BCAS3: variants seen among roughly 807,000 people sequenced by gnomAD.
The protein encoded by BCAS3 is BCAS3 microtubule associated cell migration factor, also known as BCAS4/BCAS3 fusion.
Under a neutral mutation model 116.1 loss-of-function variants are expected in BCAS3, and 53 were observed. The ratio of observed to expected loss-of-function variants is 0.46; its 90% confidence interval spans 0.37 to 0.57. The LOEUF (loss-of-function observed/expected upper bound fraction) is 0.57, where lower values mean the gene tolerates loss of function less well. Ranked by LOEUF, BCAS3 falls within the 20% of genes least tolerant of loss-of-function variation. BCAS3 has a pLI of 0.00. For synonymous variants in BCAS3, 391 were observed against 408.2 expected (o/e 0.96, Z 0.51); for missense variants, 917 against 1,165.4 (o/e 0.79, Z 3.10).
chr17:60,865,498 T>G (rs1172076609), intron 7 of BCAS3, among the ~76,000 whole-genome samples: 1 of 152,238 alleles, frequency 6.6e-6, no homozygotes, highest in East Asian at 1.9e-4. Flanking sequence ...AAATCTTGCA[T>G]GTATTTTGTT....
intron 22 of BCAS3, among the ~76,000 whole-genome samples, chr17:61,127,101 A>G (rs1055585049): frequency 1.9e-4 from 29 of 152,198 alleles, no homozygotes; most frequent in African/African-American, 7.0e-4. Flanking sequence ...CTTCACTACC[A>G]GCTACACACA....
chr17:61,209,981 G>C (rs2081361513), intron 22 of BCAS3, among the ~76,000 whole-genome samples: 1 of 152,120 alleles, frequency 6.6e-6, no homozygotes, highest in Non-Finnish European at 1.5e-5. Context: ...CATTTTGTAG[G>C]GGAGCTGCTG....
At chr17:60,729,954 T>C (rs1017451532) in intron 5 of BCAS3, among the ~76,000 whole-genome samples, 8 of 152,216 alleles carry the variant, frequency 5.3e-5, no homozygotes, top group Non-Finnish European at 4.4e-5. Context: ...TGTGTCACTG[T>C]AGTCTGAGTG....
rs930650264 is a variant in BCAS3, at chr17:61,211,547, A to G, written c.2425+126983A>G. Among the ~76,000 whole-genome samples, 2 of 152,188 alleles carry G rather than the reference A, an allele frequency of 1.3e-5. No individual in the cohort carries two copies. The highest frequency in any genetic ancestry group is 4.8e-5 in the African/African-American group (2 of 41,460). On this transcript the variant is annotated intron_variant, in intron 22 of 23. Coordinates refer to ENST00000407086, the MANE Select transcript of BCAS3 (RefSeq NM_017679.5). The surrounding 1 kb of genome is among the most constrained non-coding windows in gnomAD (Gnocchi z 4.4). The stretch of plus-strand genomic sequence containing the variant: ...TGAAAAAAGCACTGTCTACAACAGC[A>G]GAGGTGGCCGAGAAAGGCAGACAGG...
At chr17:60,893,413 A>G (rs1222231040) in intron 10 of BCAS3, among the ~76,000 whole-genome samples, 1 of 151,952 alleles carries the variant, frequency 6.6e-6, no homozygotes, top group African/African-American at 2.4e-5. Flanking sequence ...TAATTTTTGT[A>G]TATGGTGAGA....
chr17:61,305,257 G>A (rs912380687), intron 22 of BCAS3, among the ~76,000 whole-genome samples: 3 of 152,174 alleles, frequency 2.0e-5, no homozygotes, highest in Admixed American at 6.6e-5. Context: ...CTCTGATTCA[G>A]CTGCTTAGTT....
chr17:61,291,824 C>A (rs9303440), intron 22 of BCAS3, among the ~76,000 whole-genome samples: 8,639 of 152,048 alleles, frequency 0.057, 832 homozygotes, highest in African/African-American at 0.2. Flanking sequence ...CGGTGTGTGC[C>A]CACTTGCAAG....
intron 19 of BCAS3, among the ~76,000 whole-genome samples, chr17:61,050,410 T>C (rs1367426875): frequency 6.6e-6 from 1 of 151,902 alleles, no homozygotes; most frequent in East Asian, 1.9e-4. Context: ...TACGCATGTG[T>C]GTATATATAT....
intron 14 of BCAS3, among the ~76,000 whole-genome samples, chr17:60,984,054 C>T (rs1245916310): frequency 6.6e-6 from 1 of 152,186 alleles, no homozygotes; most frequent in Non-Finnish European, 1.5e-5. Flanking sequence ...AACTATTTAT[C>T]TGAAATGCTG....
intron 6 of BCAS3, among the ~76,000 whole-genome samples, chr17:60,764,441 AT>A (rs2043875820): frequency 1.3e-5 from 2 of 152,118 alleles, no homozygotes; most frequent in South Asian, 4.1e-4. Flanking sequence ...TTCTGCCTTC[AT>A]TTAGTTATTT....
rs200890077 is a variant in BCAS3 at position 61,141,922 on chromosome 17, T to A, written c.2425+57358T>A. On this transcript the variant is annotated intron_variant, in intron 22 of 23. Coordinates refer to ENST00000407086, the MANE Select transcript of BCAS3 (RefSeq NM_017679.5). The surrounding 1 kb of genome is among the most constrained non-coding windows in gnomAD (Gnocchi z 4.3). ...CTCAAGAAAAAAAAAAAAAAAAAAGTTAGACAATTATACAGAGATACTCAA... is the reference window on the plus strand; with the variant it reads ...CTCAAGAAAAAAAAAAAAAAAAAAGATAGACAATTATACAGAGATACTCAA... Among the ~76,000 whole-genome samples the A allele has an allele frequency of 9.2e-5, 1 of 10,876 alleles. No homozygotes were observed. Among genetic ancestry groups the A allele is most frequent in the Admixed American group, 4.1e-3 (1 of 244 alleles). The allele number at this position is 10,876 out of a possible 152,430, so 7.1% of individuals were successfully genotyped here.
chr17:61,311,313 C>G (rs1245774948), intron 22 of BCAS3, among the ~76,000 whole-genome samples: 1 of 152,044 alleles, frequency 6.6e-6, no homozygotes, highest in African/African-American at 2.4e-5. Flanking sequence ...AATTTAAAAC[C>G]AACTTTCTTT....
chr17:60,944,685 G>A (rs1410280655), intron 13 of BCAS3, among the ~76,000 whole-genome samples: 1 of 151,948 alleles, frequency 6.6e-6, no homozygotes, highest in Non-Finnish European at 1.5e-5. Flanking sequence ...ACCAAACGAG[G>A]CTTATCCCAA....
intron 9 of BCAS3, among the ~76,000 whole-genome samples, chr17:60,888,552 A>G (rs983191177): frequency 2.0e-5 from 3 of 152,208 alleles, no homozygotes; most frequent in East Asian, 1.9e-4. Flanking sequence ...GGTCTAATCT[A>G]TTGTGTAAAT....
At position 61,235,697 on chromosome 17, in the gene BCAS3, G is replaced by GT. The variant is rs1555789288; in HGVS notation, c.2426-132627dup. ...AACTTGGAAAGAAGACTTTTGAATT[G>GT]TTTAAAAAAAAAAAAAAGGAGAAGA... On this transcript the variant is annotated intron_variant, in intron 22 of 23. Coordinates refer to ENST00000407086, the MANE Select transcript of BCAS3 (RefSeq NM_017679.5). This position sits in a 1 kb window ranked among gnomAD's most constrained non-coding sequence, Gnocchi z 5.0. 6.1e-4 allele frequency among the ~76,000 whole-genome samples: 22 copies of GT among 36,308 alleles called. No homozygotes were observed. The East Asian group carries it at 0.013, about 22-fold the overall frequency. The allele number at this position is 36,308 out of a possible 152,430, so 23.8% of individuals were successfully genotyped here.
intron 12 of BCAS3, among the ~76,000 whole-genome samples, chr17:60,915,039 T>A (rs1280647397): frequency 7.2e-5 from 11 of 152,302 alleles, no homozygotes; most frequent in Admixed American, 6.5e-4. Flanking sequence ...ATGAGAAAGC[T>A]GCAAATTAAA....
rs538046376 is a variant in BCAS3 at position 60,860,209 on chromosome 17, C to A, written c.477-8367C>A. Reference sequence around the variant, plus strand: ...AGCCATTCTGACTGGTGTGAGAAGGCATCTGATTGTGATTTTGATTTGCAC... The same window carrying A: ...AGCCATTCTGACTGGTGTGAGAAGGAATCTGATTGTGATTTTGATTTGCAC... On this transcript the variant is annotated intron_variant, in intron 7 of 23. Coordinates refer to ENST00000407086, the MANE Select transcript of BCAS3 (RefSeq NM_017679.5). Among the ~76,000 whole-genome samples the A allele has an allele frequency of 2.0e-5, 3 of 152,256 alleles. No individual in the cohort carries two copies. In the South Asian group the frequency reaches 6.2e-4, roughly 32 times the overall value.
intron 1 of BCAS3, among the ~76,000 whole-genome samples, 174 bp downstream of exon 1, chr17:60,678,088 C>A (rs1597975597): frequency 1.3e-5 from 2 of 152,184 alleles, no homozygotes; most frequent in African/African-American, 4.8e-5. Flanking sequence ...GCGGTGGCTC[C>A]GTGTTGGAGG....
At chr17:60,882,095 A>G (rs1214584906) in intron 9 of BCAS3, among the ~76,000 whole-genome samples, 1 of 149,346 alleles carries the variant, frequency 6.7e-6, no homozygotes, top group Non-Finnish European at 1.5e-5. Context: ...CATCCTCTCC[A>G]GCACCTGTTG....
Sources: gnomAD v4.1 joint callset for allele counts (sites outside exome capture counted in the v4.1 genomes callset) on GRCh38, gnomAD v4.1.1 for gene constraint, Gnocchi (gnomAD v3.1) non-coding constraint, MANE v1.5 for transcripts, NCBI Gene and HGNC (gene_info 2026-07-23, HGNC 2026-07-21) for gene names.